The following KLF12 variants were observed in gnomAD, a reference collection of about 807,000 sequenced individuals.
The protein encoded by KLF12 is Krueppel-like factor 12.
A neutral mutation model predicts 37.8 loss-of-function variants in KLF12; 9 were observed. The observed-to-expected ratio is 0.24, with a 90% CI of 0.14 to 0.42. The LOEUF is 0.42. Ranked by LOEUF, KLF12 falls within the 10% of genes least tolerant of loss-of-function variation. The pLI is 1.00. For missense variants in KLF12, 411 were observed against 516.0 expected, an observed-to-expected ratio of 0.80 and a Z score of 1.97; for synonymous variants, 208 against 202.1, an observed-to-expected ratio of 1.03 and a Z score of -0.25.
At chr13:74,298,811 C>G in the KLF12 span, among the ~76,000 whole-genome samples, 1 of 152,092 alleles carries the variant, frequency 6.6e-6, no homozygotes, top group African/African-American at 2.4e-5. Flanking sequence ...ATATATTACT[C>G]TTAAGGAAGG....
the KLF12 span, among the ~76,000 whole-genome samples, chr13:74,273,187 A>G: frequency 1.3e-5 from 2 of 152,192 alleles, no homozygotes; most frequent in Admixed American, 6.5e-5. Context: ...TGTGGCATAT[A>G]GTTATGATGC....
chr13:73,999,947 A>C (rs1892228696), intron 1 of KLF12, among the ~76,000 whole-genome samples: 1 of 152,218 alleles, frequency 6.6e-6, no homozygotes, highest in Non-Finnish European at 1.5e-5. Flanking sequence ...TTTGAAAGCC[A>C]GAAAGAAGGA....
At chr13:73,858,824 A>G (rs1320329847) in intron 3 of KLF12, among the ~76,000 whole-genome samples, 1 of 152,248 alleles carries the variant, frequency 6.6e-6, no homozygotes, top group African/African-American at 2.4e-5. Flanking sequence ...GAGAGCATTA[A>G]GAACTAATTT....
At chr13:74,020,412 G>T (rs545480293) in intron 1 of KLF12, among the ~76,000 whole-genome samples, 2 of 152,220 alleles carry the variant, frequency 1.3e-5, no homozygotes, top group South Asian at 4.1e-4. Context: ...TCTCACTCAA[G>T]GTCTTAGCAC....
At position 73,718,838 on chromosome 13, in the gene KLF12, G is replaced by A. The variant is rs141374328; in HGVS notation, c.870-3313C>T. Among the ~76,000 whole-genome samples, 1,322 of 152,288 alleles carry A rather than the reference G, an allele frequency of 8.7e-3. 22 individuals are homozygous for A. Among genetic ancestry groups the A allele is most frequent in the African/African-American group, 0.03 (1,247 of 41,550 alleles). On this transcript the variant is annotated intron_variant, in intron 6 of 7. Coordinates refer to ENST00000377669, the MANE Select transcript of KLF12 (RefSeq NM_007249.5). ...AGGCTGGGGAGGTGGAGGTTGCAGT[G>A]AGCCAAGATCATGCCACTGCACTCC...
chr13:73,922,725 G>A lies in KLF12; in HGVS notation c.123+21256C>T, dbSNP rs551761491. ...AACACTGACTGGGAGCACACTTTCT[G>A]CACTGTCCTAGGTATTGTGCAAGGC... is the stretch of plus-strand genomic sequence containing the variant. On this transcript the variant is annotated intron_variant, in intron 3 of 7. Transcript: ENST00000377669. Among the ~76,000 whole-genome samples the A allele has an allele frequency of 2.0e-5, 3 of 152,276 alleles. No homozygotes were observed. In the East Asian group the frequency reaches 5.8e-4, roughly 29 times the overall value.
At chr13:73,852,574 A>G (rs1040185160) in intron 3 of KLF12, among the ~76,000 whole-genome samples, 2 of 152,128 alleles carry the variant, frequency 1.3e-5, no homozygotes, top group Non-Finnish European at 2.9e-5. Context: ...TGAGGTTAGG[A>G]GTTCAAGACC....
At chr13:74,300,872 C>T in the KLF12 span, among the ~76,000 whole-genome samples, 3 of 152,268 alleles carry the variant, frequency 2.0e-5, no homozygotes, top group South Asian at 6.2e-4. Context: ...ACAAGGTAGG[C>T]TTTGAGTCTT....
rs191459990 is a variant in KLF12, at chr13:73,982,342, A to T, written c.33+12648T>A. 3.7e-4 allele frequency among the ~76,000 whole-genome samples: 56 copies of T among 152,336 alleles called. No individual in the cohort carries two copies. The East Asian group carries it at 8.5e-3, about 23-fold the overall frequency. On this transcript the variant is annotated intron_variant, in intron 2 of 7. Coordinates refer to ENST00000377669, the MANE Select transcript of KLF12 (RefSeq NM_007249.5). ...AAATGAAGGAGGAGGAGGAGGTTCC[A>T]TTTTGGGGATTTTCTTGGTCCCATA...
At chr13:74,038,819 T>C (rs1322983308) in intron 1 of KLF12, among the ~76,000 whole-genome samples, 1 of 152,138 alleles carries the variant, frequency 6.6e-6, no homozygotes, top group Non-Finnish European at 1.5e-5. Context: ...CTTTTTAAGA[T>C]ACATCTTTGG....
chr13:74,134,535 ACCCCGCCCCAC>A (rs1181869090), upstream of KLF12, among the ~76,000 whole-genome samples: 1 of 96,072 alleles, frequency 1.0e-5, no homozygotes, highest in African/African-American at 4.8e-5. Context: ...ACCCCGCCCC[ACCCCGCCCCAC>A]CCCTGCCCCC....
At chr13:74,243,421 G>A in the KLF12 span, among the ~76,000 whole-genome samples, 1 of 152,154 alleles carries the variant, frequency 6.6e-6, no homozygotes, top group Non-Finnish European at 1.5e-5. Context: ...ACATATGTGT[G>A]CATGTGTCTT....
the KLF12 span, among the ~76,000 whole-genome samples, chr13:74,212,254 A>C: frequency 6.6e-6 from 1 of 152,192 alleles, no homozygotes; most frequent in Non-Finnish European, 1.5e-5. Flanking sequence ...TTTAGAATAT[A>C]ATTTAATTAT....
In KLF12 at chr13:73,932,041, A is replaced by G. The variant is rs568989129; in HGVS notation, c.123+11940T>C. ...GTAACCACAGTTAAAAAAAAAAAGA[A>G]AAGAAATTCCTTCTTTATCTGAATT... On this transcript the variant is annotated intron_variant, in intron 3 of 7. Transcript: ENST00000377669. Among the ~76,000 whole-genome samples the G allele has an allele frequency of 4.6e-5, 7 of 152,260 alleles. No individual in the cohort carries two copies. In the South Asian group the frequency reaches 1.2e-3, roughly 27 times the overall value.
intron 2 of KLF12, among the ~76,000 whole-genome samples, chr13:73,978,282 T>C (rs921029191): frequency 6.6e-6 from 1 of 151,792 alleles, no homozygotes; most frequent in Non-Finnish European, 1.5e-5. Context: ...AAAAAGAGTG[T>C]AAAAAAATGT....
intron 7 of KLF12, among the ~76,000 whole-genome samples, chr13:73,706,647 G>T (rs1315652647): frequency 1.3e-5 from 2 of 152,238 alleles, no homozygotes; most frequent in Non-Finnish European, 2.9e-5. Context: ...GCATAGGCAG[G>T]TGATGCTTGC....
the KLF12 span, among the ~76,000 whole-genome samples, chr13:74,168,320 C>T: frequency 6.6e-6 from 1 of 152,224 alleles, no homozygotes; most frequent in African/African-American, 2.4e-5. Flanking sequence ...TGCTCCTGTC[C>T]TCTGACCCCT....
At chr13:73,721,630 G>A (rs149473200) in intron 6 of KLF12, among the ~76,000 whole-genome samples, 5,831 of 152,150 alleles carry the variant, frequency 0.038, 119 homozygotes, top group South Asian at 0.099. Flanking sequence ...ATAGCTCACC[G>A]GAGCCTCAAA....
chr13:73,935,490 G>A (rs1374088744), intron 3 of KLF12, among the ~76,000 whole-genome samples: 1 of 152,094 alleles, frequency 6.6e-6, no homozygotes, highest in Non-Finnish European at 1.5e-5. Context: ...GGTCATGGGG[G>A]CGGATCCCTC....
Sources: gnomAD v4.1 joint callset for allele counts (sites outside exome capture counted in the v4.1 genomes callset) on GRCh38, gnomAD v4.1.1 for gene constraint, MANE v1.5 for transcripts, NCBI Gene and HGNC (gene_info 2026-07-23, HGNC 2026-07-21) for gene names.